The following SYNE1 variants were observed in gnomAD, a reference collection of about 807,000 sequenced individuals.
SYNE1 encodes the protein nesprin-1.
Under a neutral mutation model 1,111.0 loss-of-function variants are expected in SYNE1, and 616 were observed. That is an observed-to-expected ratio of 0.55 (90% confidence interval 0.52 to 0.59). The LOEUF is 0.59. Among genes scored for constraint, SYNE1 ranks in the 20% least tolerant of loss-of-function variants. The pLI is 0.00. For synonymous variants in SYNE1, 3,855 were observed against 3,825.8 expected (o/e 1.01, Z -0.28); for missense variants, 10,006 against 10,417.0 (o/e 0.96, Z 1.72).
chr6:152,419,526 A>T, intron 40 of SYNE1, 43 bp downstream of exon 40: 1 of 1,571,638 alleles, frequency 6.4e-7, no homozygotes. Flanking sequence ...CTTTTTTATG[A>T]AGAAATTCTT....
Position 152,428,406 on chromosome 6 carries a change from G to T in SYNE1, c.4789-14C>A. ...CTGGCAGAGATCCTAAGAAGAGTGC[G>T]AGAAGAATGCAGTGAAAGCACAGGA... On this transcript the variant is annotated splice_polypyrimidine_tract_variant and intron_variant, in intron 36 of 145. Transcript: ENST00000367255. 3 of 1,612,820 alleles carry T rather than the reference G, an allele frequency of 1.9e-6. No homozygotes were observed. The highest frequency in any genetic ancestry group is 2.5e-6 in the Non-Finnish European group (3 of 1,179,936).
At chr6:152,376,631 C>G in intron 57 of SYNE1, 73 bp from the exon 58 acceptor site, 1 of 1,587,092 alleles carries the variant, frequency 6.3e-7, no homozygotes, top group South Asian at 1.1e-5. Flanking sequence ...TTGATAGAAT[C>G]ACCAGTTCTT....
chr6:152,269,313 T>C, intron 98 of SYNE1, 27 bp from the exon 99 acceptor site: 1 of 1,613,794 alleles, frequency 6.2e-7, no homozygotes, highest in Non-Finnish European at 8.5e-7. Flanking sequence ...AGAAATCAAG[T>C]CATGCTACAC....
At chr6:152,444,824 A>G (rs745621501) in intron 29 of SYNE1, among the ~76,000 whole-genome samples, 1 of 152,130 alleles carries the variant, frequency 6.6e-6, no homozygotes, top group Non-Finnish European at 1.5e-5. Context: ...AATAGGTAAT[A>G]TTAACTGCAG....
chr6:152,462,319 T>G (rs2098739001), intron 20 of SYNE1, among the ~76,000 whole-genome samples: 1 of 152,202 alleles, frequency 6.6e-6, no homozygotes, highest in Admixed American at 6.5e-5. Context: ...TGTAACAATA[T>G]ATTGCAAAAT....
In SYNE1 at chr6:152,323,688, C is replaced by G. The variant is rs777702591; in HGVS notation, c.15707G>C (p.Gly5236Ala). The G allele has an allele frequency of 6.2e-7, 1 of 1,614,206 alleles. No individual in the cohort carries two copies. Among genetic ancestry groups the G allele is most frequent in the Non-Finnish European group, 8.5e-7 (1 of 1,180,030 alleles). ...MIDQLQDKLP[G>A]SSAEKASKAE... ...TTTCGATGCTTTCTCTGCTGAACTT[C>G]CAGGTAACTTATCTTGCAGCTGATC... is the stretch of plus-strand genomic sequence containing the variant. Residue 5236 changes from glycine (G) to alanine (A), a missense_variant, in exon 82 of 146, where the codon GGA becomes GCA. By Grantham distance (60) the Gly-to-Ala change is moderately conservative. Coordinates refer to ENST00000367255, the MANE Select transcript of SYNE1 (RefSeq NM_182961.4).
At chr6:152,395,435 A>C in intron 51 of SYNE1, 81 bp downstream of exon 51, 1 of 1,498,752 alleles carries the variant, frequency 6.7e-7, no homozygotes, top group African/African-American at 1.4e-5. Context: ...TAACTAACCA[A>C]TCAAAACCAA....
intron 11 of SYNE1, among the ~76,000 whole-genome samples, chr6:152,489,457 CT>C (rs3076635): frequency 0.011 from 1,228 of 112,286 alleles, 24 homozygotes; most frequent in African/African-American, 0.035. Context: ...CTTGGTGTGT[CT>C]TTTTTTTTTT....
intron 86 of SYNE1, 66 bp downstream of exon 86, chr6:152,318,015 A>C (rs2095777775): frequency 6.3e-7 from 1 of 1,594,148 alleles, no homozygotes; most frequent in African/African-American, 1.3e-5. Flanking sequence ...TTATTTTCAA[A>C]AGAGAAAAGC....
intron 11 of SYNE1, among the ~76,000 whole-genome samples, chr6:152,492,267 G>C (rs1407415890): frequency 6.6e-6 from 1 of 152,146 alleles, no homozygotes; most frequent in African/African-American, 2.4e-5. Context: ...ATTAGATTCT[G>C]GCCCTCAAAC....
intron 140 of SYNE1, 27 bp downstream of exon 140, chr6:152,139,923 G>T: frequency 1.2e-6 from 2 of 1,604,770 alleles, no homozygotes; most frequent in East Asian, 2.2e-5. Flanking sequence ...CTGTTTGTCC[G>T]CCGTGGGAAA....
chr6:152,355,398 T>A (rs944093447), intron 66 of SYNE1, among the ~76,000 whole-genome samples: 1 of 152,190 alleles, frequency 6.6e-6, no homozygotes, highest in Non-Finnish European at 1.5e-5. Flanking sequence ...AAAGAAACAA[T>A]GAACCTTCTG....
Position 152,483,077 on chromosome 6 carries a change from A to G in SYNE1, c.1350+8T>C. The G allele has an allele frequency of 6.2e-7, 1 of 1,614,154 alleles. No individual in the cohort carries two copies. Among genetic ancestry groups the G allele is most frequent in the Non-Finnish European group, 8.5e-7 (1 of 1,180,008 alleles). ...TATGCTGCAAGGTTTTCCAACCAGA[A>G]TTTTTACCTTATGTTGCTCAAGTTT... is the stretch of plus-strand genomic sequence containing the variant. On this transcript the variant is annotated splice_region_variant and intron_variant, in intron 14 of 145. Transcript: ENST00000367255.
In SYNE1 at chr6:152,122,414, C is replaced by T; in HGVS notation, c.*22G>A. 1 of 1,614,046 alleles carries T rather than the reference C, an allele frequency of 6.2e-7. No individual in the cohort carries two copies. On this transcript the variant is annotated 3_prime_UTR_variant, in exon 146 of 146. Coordinates refer to ENST00000367255, the MANE Select transcript of SYNE1 (RefSeq NM_182961.4). ...GATCCTCCTTATGCTACCAGCACTT[C>T]TGCAGATGGCATCTGCTTAGTTCAG...
In SYNE1 at chr6:152,149,676, G is replaced by A. The variant is rs763279283; in HGVS notation, c.24451-8C>T. On this transcript the variant is annotated splice_polypyrimidine_tract_variant and splice_region_variant and intron_variant, in intron 135 of 145. Coordinates refer to ENST00000367255, the MANE Select transcript of SYNE1 (RefSeq NM_182961.4). ...AATTTCCTGCTGGAAGGCCTAGGGAGTACAAATCTCATGTGATTTTGCTAT... is the reference window on the plus strand; with the variant it reads ...AATTTCCTGCTGGAAGGCCTAGGGAATACAAATCTCATGTGATTTTGCTAT... 3.1e-6 allele frequency: 5 copies of A among 1,612,746 alleles called. 1 individual carries two copies. In the South Asian group the frequency reaches 5.5e-5, roughly 18 times the overall value.
chr6:152,572,277 A>G (rs1308732258), intron 3 of SYNE1, among the ~76,000 whole-genome samples: 1 of 152,148 alleles, frequency 6.6e-6, no homozygotes, highest in African/African-American at 2.4e-5. Context: ...AGTATGTTCT[A>G]TTTTTGTCCA....
chr6:152,311,157 T>C, intron 87 of SYNE1: 1 of 469,420 alleles, frequency 2.1e-6, no homozygotes, highest in South Asian at 2.1e-5. Context: ...AGCTGCCCCC[T>C]CGTGAGAACA....
chr6:152,506,313 C>T (rs191189634), intron 8 of SYNE1, among the ~76,000 whole-genome samples: 1 of 151,888 alleles, frequency 6.6e-6, no homozygotes, highest in African/African-American at 2.4e-5. Flanking sequence ...AAGTGGAGGG[C>T]CTGCAAATAT....
intron 3 of SYNE1, among the ~76,000 whole-genome samples, chr6:152,618,856 G>A (rs1485150964): frequency 1.3e-5 from 2 of 152,236 alleles, no homozygotes; most frequent in East Asian, 3.9e-4. Context: ...AATTATCATT[G>A]TCTATCCTCA....
Sources: gnomAD v4.1 joint callset for allele counts (sites outside exome capture counted in the v4.1 genomes callset) on GRCh38, gnomAD v4.1.1 for gene constraint, MANE v1.5 for transcripts, NCBI Gene and HGNC (gene_info 2026-07-23, HGNC 2026-07-21) for gene names.